Variants in KCNJ6 observed in about 807,000 individuals in gnomAD.
The protein encoded by KCNJ6 is G protein-activated inward rectifier potassium channel 2.
KCNJ6 carries 9 observed loss-of-function variants against 34.2 expected under a neutral mutation model. The observed-to-expected ratio is 0.26, with a 90% CI of 0.16 to 0.46. The LOEUF is 0.46. Among genes scored for constraint, KCNJ6 ranks in the 20% least tolerant of loss-of-function variants. The pLI, the probability that KCNJ6 is intolerant of heterozygous loss-of-function variation, is 1.00. For missense variants in KCNJ6, 236 were observed against 531.3 expected, an observed-to-expected ratio of 0.44 and a Z score of 5.46; for synonymous variants, 196 against 207.1, an observed-to-expected ratio of 0.95 and a Z score of 0.46.
intron 2 of KCNJ6, among the ~76,000 whole-genome samples, chr21:37,749,784 A>G (rs1423277384): frequency 1.3e-5 from 2 of 152,234 alleles, no homozygotes; most frequent in African/African-American, 4.8e-5. Flanking sequence ...AACTTAACAC[A>G]GGGACATAAT....
chr21:37,828,925 G>GCCATTTGTTTGCAGGTC (rs2055411959), intron 2 of KCNJ6, among the ~76,000 whole-genome samples: 1 of 152,168 alleles, frequency 6.6e-6, no homozygotes, highest in Admixed American at 6.5e-5. Context: ...CTTCCAAATG[G>GCCATTTGTTTGCAGGTC]CCATTTGTTT....
rs150698603 is a variant in KCNJ6, at chr21:37,759,546, C to T, written c.26-44415G>A. 6.9e-3 allele frequency among the ~76,000 whole-genome samples: 1,045 copies of T among 152,300 alleles called. 10 individuals are homozygous for T. Among genetic ancestry groups the T allele is most frequent in the African/African-American group, 0.023 (958 of 41,554 alleles). On this transcript the variant is annotated intron_variant, in intron 2 of 3. Coordinates refer to ENST00000609713, the MANE Select transcript of KCNJ6 (RefSeq NM_002240.5). ...AGCTTGCCACTCCATCTGCCTGGCA[C>T]GCTCATCCCCGCCATCCCCATCACT... is the stretch of plus-strand genomic sequence containing the variant.
intron 3 of KCNJ6, among the ~76,000 whole-genome samples, chr21:37,660,800 C>A (rs1244840066): frequency 2.0e-5 from 3 of 152,208 alleles, no homozygotes; most frequent in African/African-American, 7.2e-5. Flanking sequence ...ACCCGTTTGG[C>A]CTTAATTGAC....
chr21:37,821,663 T>C (rs956165001), intron 2 of KCNJ6, among the ~76,000 whole-genome samples: 1 of 152,266 alleles, frequency 6.6e-6, no homozygotes, highest in African/African-American at 2.4e-5. Flanking sequence ...CACCTACTTA[T>C]GCCAACTGTG....
chr21:37,735,555 T>C (rs573133388), intron 2 of KCNJ6, among the ~76,000 whole-genome samples: 56 of 152,102 alleles, frequency 3.7e-4, no homozygotes, highest in African/African-American at 1.4e-3. Flanking sequence ...ACTAGGGAGG[T>C]CGGGGCCAGG....
chr21:37,842,410 G>A (rs2055485618), intron 1 of KCNJ6, among the ~76,000 whole-genome samples: 1 of 152,184 alleles, frequency 6.6e-6, no homozygotes, highest in South Asian at 2.1e-4. Context: ...TTATGACACT[G>A]TTCTCAAACT....
chr21:37,733,075 G>A (rs943578765), intron 2 of KCNJ6, among the ~76,000 whole-genome samples: 3 of 152,204 alleles, frequency 2.0e-5, no homozygotes, highest in South Asian at 4.2e-4. Flanking sequence ...CTCTATAGAC[G>A]TCCTGTTGTT....
At position 37,609,983 on chromosome 21, in the gene KCNJ6, A is replaced by G. The variant is rs966958603; in HGVS notation, c.*15176T>C. 6.6e-6 allele frequency: 1 copy of G among 152,226 alleles called. No individual in the cohort carries two copies. Among genetic ancestry groups the G allele is most frequent in the Non-Finnish European group, 1.5e-5 (1 of 68,062 alleles). 9.4% of individuals were successfully genotyped at this position (152,226 alleles called of 1,614,324 possible). On this transcript the variant is annotated 3_prime_UTR_variant, in exon 4 of 4. Coordinates refer to ENST00000609713, the MANE Select transcript of KCNJ6 (RefSeq NM_002240.5). ...CTAGAAGGCACCTACCTCACAGCTCATCTCTCTGCTACCGGGTTTAGTGGT... is the reference window on the plus strand; with the variant it reads ...CTAGAAGGCACCTACCTCACAGCTCGTCTCTCTGCTACCGGGTTTAGTGGT...
At chr21:37,736,880 C>G (rs1437015907) in intron 2 of KCNJ6, among the ~76,000 whole-genome samples, 1 of 152,208 alleles carries the variant, frequency 6.6e-6, no homozygotes, top group Non-Finnish European at 1.5e-5. Flanking sequence ...CGGTCACCCT[C>G]CTGGAGGCAC....
Position 37,618,744 on chromosome 21 carries a change from T to C in KCNJ6, c.*6415A>G, listed in dbSNP as rs2054281197. ...ACTCTATAAATACTGTTTTCATCAG[T>C]GATAAATCTAATCTCCATCACTTAA... On this transcript the variant is annotated 3_prime_UTR_variant, in exon 4 of 4. Transcript: ENST00000609713. 1 of 152,216 alleles carries C rather than the reference T, an allele frequency of 6.6e-6. No individual in the cohort carries two copies. Among genetic ancestry groups the C allele is most frequent in the Non-Finnish European group, 1.5e-5 (1 of 68,044 alleles). 9.4% of individuals were successfully genotyped at this position (152,216 alleles called of 1,614,324 possible). A position where few individuals can be genotyped will look rare whatever the true frequency, so the allele number is the denominator to read the frequency against.
At chr21:37,639,038 G>T (rs1168198357) in intron 3 of KCNJ6, among the ~76,000 whole-genome samples, 1 of 152,158 alleles carries the variant, frequency 6.6e-6, no homozygotes, top group East Asian at 1.9e-4. Flanking sequence ...ACCTTATTTA[G>T]CCTGAGGGCT....
Position 37,714,923 on chromosome 21 carries a change from G to T in KCNJ6, c.234C>A (p.Thr78=), listed in dbSNP as rs750928265. 1.9e-6 allele frequency: 3 copies of T among 1,614,068 alleles called. No individual in the cohort carries two copies. Among genetic ancestry groups the T allele is most frequent in the African/African-American group, 1.3e-5 (1 of 74,932 alleles). ...GGTCCACTAATGTGGTGAAGATATC[G>T]GTCAGGTAGCGATAGGTCTCCCTCA... is the stretch of plus-strand genomic sequence containing the variant. ...GNVRETYRYL[T]DIFTTLVDLK... Residue 78 remains threonine (T), a synonymous_variant, in exon 3 of 4, where the codon ACC becomes ACA. Coordinates refer to ENST00000609713, the MANE Select transcript of KCNJ6 (RefSeq NM_002240.5). This position sits in a 1 kb window ranked among gnomAD's most constrained non-coding sequence, Gnocchi z 5.9.
chr21:37,759,621 A>G (rs2123493134), intron 2 of KCNJ6, among the ~76,000 whole-genome samples: 1 of 152,240 alleles, frequency 6.6e-6, no homozygotes, highest in Middle Eastern at 3.4e-3. Flanking sequence ...CTCACAAGTC[A>G]TCCTGTCTAA....
chr21:37,714,877 A>G lies in KCNJ6; in HGVS notation c.280T>C (p.Leu94=), dbSNP rs1454127521. Residue 94 remains leucine (L), a synonymous_variant, in exon 3 of 4, where the codon TTG becomes CTG. Coordinates refer to ENST00000609713, the MANE Select transcript of KCNJ6 (RefSeq NM_002240.5). This position sits in a 1 kb window ranked among gnomAD's most constrained non-coding sequence, Gnocchi z 5.9. ...ACTGTGTAAACCATGACAAAAATCA[A>G]TAGGTTGAATCTCCACTTCAGGTCC... ...LVDLKWRFNL[L]IFVMVYTVTW... is the part of the protein sequence containing the mutation. The G allele has an allele frequency of 1.2e-5, 20 of 1,614,118 alleles. No individual in the cohort carries two copies. The highest frequency in any genetic ancestry group is 3.3e-5 in the Admixed American group (2 of 60,014).
rs1329192650 is a variant in KCNJ6 at position 37,619,136 on chromosome 21, T to C, written c.*6023A>G. On this transcript the variant is annotated 3_prime_UTR_variant, in exon 4 of 4. Coordinates refer to ENST00000609713, the MANE Select transcript of KCNJ6 (RefSeq NM_002240.5). Reference sequence around the variant, plus strand: ...ATGATTTGTTACATTGTTACTTTTTTTTCTTTCTCATCTGATTTCCAGGAA... The same window carrying C: ...ATGATTTGTTACATTGTTACTTTTTCTTCTTTCTCATCTGATTTCCAGGAA... The C allele has an allele frequency of 6.6e-6, 1 of 152,226 alleles. No homozygotes were observed. Among genetic ancestry groups the C allele is most frequent in the African/African-American group, 2.4e-5 (1 of 41,450 alleles). The allele number at this position is 152,226 out of a possible 1,614,324, so 9.4% of individuals were successfully genotyped here.
rs954872713 is a variant in KCNJ6, at chr21:37,793,545, C to CAAA, written c.25+47110_25+47112dup. ...TGGGTGAAAGAGCGAGACTCCATCT[C>CAAA]AAAAAAAAAAAAAAAAAAAAAAAAA... On this transcript the variant is annotated intron_variant, in intron 2 of 3. Coordinates refer to ENST00000609713, the MANE Select transcript of KCNJ6 (RefSeq NM_002240.5). Among the ~76,000 whole-genome samples, 12 of 19,840 alleles carry CAAA rather than the reference C, an allele frequency of 6.0e-4. 1 individual carries two copies. The highest frequency in any genetic ancestry group is 1.5e-3 in the African/African-American group (9 of 5,990). The allele number at this position is 19,840 out of a possible 152,430, so 13.0% of individuals were successfully genotyped here. A position where few individuals can be genotyped will look rare whatever the true frequency, so the allele number is the denominator to read the frequency against.
In KCNJ6 at chr21:37,661,614, G is replaced by GTTCTTTTTTTTTTTTT. The variant is rs766622814; in HGVS notation, c.947-36131_947-36130insAAAAAAAAAAAAAGAA. 9.8e-5 allele frequency among the ~76,000 whole-genome samples: 7 copies of GTTCTTTTTTTTTTTTT among 71,198 alleles called. 1 individual carries two copies. Among genetic ancestry groups the GTTCTTTTTTTTTTTTT allele is most frequent in the African/African-American group, 3.2e-4 (6 of 18,704 alleles). 46.7% of individuals were successfully genotyped at this position (71,198 alleles called of 152,430 possible). A position where few individuals can be genotyped will look rare whatever the true frequency, so the allele number is the denominator to read the frequency against. On this transcript the variant is annotated intron_variant, in intron 3 of 3. Transcript: ENST00000609713. ...TCCACCCATTTCCTTAAGAGACATA[G>GTTCTTTTTTTTTTTTT]TTTTTTTTTTTTTTTTTTTTTTTTT... is the stretch of plus-strand genomic sequence containing the variant.
At chr21:37,694,276 G>A (rs1288322201) in intron 3 of KCNJ6, among the ~76,000 whole-genome samples, 1 of 152,162 alleles carries the variant, frequency 6.6e-6, no homozygotes, top group East Asian at 1.9e-4. Flanking sequence ...TTCTCACCAG[G>A]ACAGCCTCCC....
chr21:37,661,619 T>C lies in KCNJ6; in HGVS notation c.947-36135A>G, dbSNP rs952737737. Reference sequence around the variant, plus strand: ...CCATTTCCTTAAGAGACATAGTTTTTTTTTTTTTTTTTTTTTTTTTTGAGA... The same window carrying C: ...CCATTTCCTTAAGAGACATAGTTTTCTTTTTTTTTTTTTTTTTTTTTGAGA... On this transcript the variant is annotated intron_variant, in intron 3 of 3. Transcript: ENST00000609713. Among the ~76,000 whole-genome samples the C allele has an allele frequency of 1.4e-4, 17 of 119,344 alleles. 1 individual carries two copies. Among genetic ancestry groups the C allele is most frequent in the African/African-American group, 5.6e-4 (17 of 30,284 alleles). 78.3% of individuals were successfully genotyped at this position (119,344 alleles called of 152,430 possible).
Sources: gnomAD v4.1 joint callset for allele counts (sites outside exome capture counted in the v4.1 genomes callset) on GRCh38, gnomAD v4.1.1 for gene constraint, Gnocchi (gnomAD v3.1) non-coding constraint, MANE v1.5 for transcripts, NCBI Gene and HGNC (gene_info 2026-07-23, HGNC 2026-07-21) for gene names.